SWAP70: variants seen among roughly 807,000 people sequenced by gnomAD.
SWAP70 encodes the protein switching B cell complex subunit SWAP70, also known as switch-associated protein 70.
SWAP70 carries 34 observed loss-of-function variants against 80.2 expected under a neutral mutation model. The observed-to-expected ratio is 0.42, with a 90% CI of 0.32 to 0.56. The LOEUF (loss-of-function observed/expected upper bound fraction) is 0.56, where lower values mean the gene tolerates loss of function less well. Ranked by LOEUF, SWAP70 falls within the 20% of genes least tolerant of loss-of-function variation. The pLI is 0.09. For missense variants in SWAP70, 578 were observed against 690.7 expected (o/e 0.84, Z 1.83); for synonymous variants, 239 against 238.5 (o/e 1.00, Z -0.02).
chr11:9,678,656 G>C lies in SWAP70; in HGVS notation c.99+14378G>C, dbSNP rs954077564. Among the ~76,000 whole-genome samples the C allele has an allele frequency of 5.3e-5, 8 of 150,468 alleles. No individual in the cohort carries two copies. In the East Asian group the frequency reaches 1.6e-3, roughly 29 times the overall value. On this transcript the variant is annotated intron_variant, in intron 1 of 11. Coordinates refer to ENST00000318950, the MANE Select transcript of SWAP70 (RefSeq NM_015055.4). ...ATCTCCATTTTGTATTTCCTTTGGG[G>C]TCTCATCACAGTCCCAGAGGTACAT...
At chr11:9,744,864 A>T (rs185848855) in intron 9 of SWAP70, among the ~76,000 whole-genome samples, 11 of 152,252 alleles carry the variant, frequency 7.2e-5, no homozygotes, top group Admixed American at 7.2e-4. Context: ...GCACCACTGT[A>T]CTCCAGCCTG....
At chr11:9,690,115 G>A (rs181196675) in intron 1 of SWAP70, among the ~76,000 whole-genome samples, 2 of 152,116 alleles carry the variant, frequency 1.3e-5, no homozygotes, top group Non-Finnish European at 2.9e-5. Flanking sequence ...CTGTAAAATA[G>A]CAATAATATC....
intron 3 of SWAP70, among the ~76,000 whole-genome samples, chr11:9,718,659 A>G (rs1306305489): frequency 7.0e-6 from 1 of 142,010 alleles, no homozygotes; most frequent in African/African-American, 2.6e-5. Flanking sequence ...TCATGAACAT[A>G]TAGGTGGGTT....
chr11:9,716,469 A>G (rs1024084144), intron 3 of SWAP70, among the ~76,000 whole-genome samples: 5 of 152,320 alleles, frequency 3.3e-5, no homozygotes, highest in East Asian at 1.9e-4. Flanking sequence ...ACCCACCTCT[A>G]CCACTTATTA....
chr11:9,666,324 G>A (rs930649273), intron 1 of SWAP70, among the ~76,000 whole-genome samples: 3 of 152,012 alleles, frequency 2.0e-5, no homozygotes, highest in African/African-American at 7.3e-5. Flanking sequence ...GAGCTCAGGT[G>A]ATCTGCCCTC....
At chr11:9,695,803 A>T (rs360045) in intron 2 of SWAP70, among the ~76,000 whole-genome samples, 6 of 151,542 alleles carry the variant, frequency 4.0e-5, no homozygotes, top group South Asian at 2.1e-4. Flanking sequence ...TACTGGCAAT[A>T]GTTGTTTTTT....
intron 1 of SWAP70, among the ~76,000 whole-genome samples, chr11:9,690,203 G>A (rs1850679021): frequency 1.3e-5 from 2 of 152,140 alleles, no homozygotes; most frequent in African/African-American, 4.8e-5. Context: ...TGCTGTATAA[G>A]TTTATGGAGG....
chr11:9,731,705 T>G (rs1851300764), intron 6 of SWAP70, among the ~76,000 whole-genome samples: 1 of 152,094 alleles, frequency 6.6e-6, no homozygotes, highest in Non-Finnish European at 1.5e-5. Context: ...GTGCCACTGT[T>G]TGTGTGAAAA....
At chr11:9,725,547 A>G (rs1302203891) in intron 4 of SWAP70, among the ~76,000 whole-genome samples, 7 of 10,066 alleles carry the variant, frequency 7.0e-4, no homozygotes, top group African/African-American at 1.5e-3. Flanking sequence ...ATATATATAT[A>G]TATATATATA....
intron 2 of SWAP70, among the ~76,000 whole-genome samples, chr11:9,697,736 G>A (rs1432430419): frequency 6.6e-6 from 1 of 152,138 alleles, no homozygotes; most frequent in Non-Finnish European, 1.5e-5. Flanking sequence ...TTCTTTGTGT[G>A]TATGCACGCC....
At chr11:9,749,007 A>T in intron 10 of SWAP70, 80 bp from the exon 11 acceptor site, 2 of 757,612 alleles carry the variant, frequency 2.6e-6, no homozygotes, top group East Asian at 3.0e-5. Context: ...TCACAAATAC[A>T]TAGTAAGGGC....
chr11:9,709,938 A>C (rs1236162774), intron 2 of SWAP70, among the ~76,000 whole-genome samples: 2 of 152,248 alleles, frequency 1.3e-5, no homozygotes, highest in Non-Finnish European at 2.9e-5. Context: ...AGTAATCTAG[A>C]GAAAAGAAAA....
chr11:9,750,191 A>G lies in SWAP70; in HGVS notation c.*221A>G. 3.4e-6 allele frequency: 1 copy of G among 294,618 alleles called. No individual in the cohort carries two copies. 18.3% of individuals were successfully genotyped at this position (294,618 alleles called of 1,614,324 possible). A position where few individuals can be genotyped will look rare whatever the true frequency, so the allele number is the denominator to read the frequency against. ...TGTCTCTACTAAAAATACAAAAAAA[A>G]TTAGCTGAGCGTGGTGGCGGGCGCC... On this transcript the variant is annotated 3_prime_UTR_variant, in exon 12 of 12. Transcript: ENST00000318950.
intron 4 of SWAP70, 45 bp downstream of exon 4, chr11:9,724,930 A>AT (rs1276098299): frequency 7.8e-7 from 1 of 1,278,988 alleles, no homozygotes; most frequent in Non-Finnish European, 1.1e-6. Context: ...TTAGAATTTG[A>AT]CATTTTAAAA....
At chr11:9,704,368 CTT>C (rs60473855) in intron 2 of SWAP70, among the ~76,000 whole-genome samples, 26 of 147,628 alleles carry the variant, frequency 1.8e-4, no homozygotes, top group Non-Finnish European at 1.9e-4. Context: ...CATCTTCCCT[CTT>C]TTTTTTTTTT....
At chr11:9,737,862 C>T (rs1851383689) in intron 7 of SWAP70, among the ~76,000 whole-genome samples, 1 of 152,208 alleles carries the variant, frequency 6.6e-6, no homozygotes, top group Non-Finnish European at 1.5e-5. Flanking sequence ...TGCCACTGCA[C>T]TCCAGCCTGG....
intron 5 of SWAP70, 102 bp downstream of exon 5, chr11:9,728,301 A>T: frequency 8.3e-7 from 1 of 1,200,678 alleles, no homozygotes; most frequent in Non-Finnish European, 1.1e-6. Flanking sequence ...CCTTAAAATA[A>T]TCCCCAAATT....
At chr11:9,667,561 T>A (rs1850324011) in intron 1 of SWAP70, among the ~76,000 whole-genome samples, 1 of 151,770 alleles carries the variant, frequency 6.6e-6, no homozygotes, top group Admixed American at 6.6e-5. Flanking sequence ...CAACTCTTTA[T>A]AATTCTTTTT....
chr11:9,672,878 A>G (rs562687919), intron 1 of SWAP70, among the ~76,000 whole-genome samples: 3 of 152,172 alleles, frequency 2.0e-5, no homozygotes, highest in Non-Finnish European at 4.4e-5. Context: ...ATCTGAAGAA[A>G]AATTAACAAC....
Sources: allele counts gnomAD v4.1 joint callset (sites outside exome capture counted in the v4.1 genomes callset), GRCh38; gene constraint gnomAD v4.1.1; transcripts MANE v1.5; gene names NCBI Gene and HGNC (gene_info 2026-07-23, HGNC 2026-07-21).